Variants in RHAG observed in about 807,000 individuals in gnomAD.
The protein encoded by RHAG is Rh associated glycoprotein, also known as ammonium transporter Rh type A.
In RHAG, 25 loss-of-function variants were observed where a neutral mutation model predicts 42.4. That is an observed-to-expected ratio of 0.59 (90% CI 0.43 to 0.82). RHAG has a LOEUF of 0.82. Ranked by LOEUF, RHAG falls within the 40% of genes least tolerant of loss-of-function variation. The pLI is 0.00. For synonymous variants in RHAG, 182 were observed against 177.7 expected (o/e 1.02, Z -0.19); for missense variants, 483 against 504.6 (o/e 0.96, Z 0.41).
chr6:49,626,554 T>A (rs1374420288), intron 1 of RHAG, among the ~76,000 whole-genome samples: 1 of 152,068 alleles, frequency 6.6e-6, no homozygotes, highest in Admixed American at 6.5e-5. Flanking sequence ...ACAGCTAGAG[T>A]TGAGTGTCTG....
At chr6:49,622,996 T>C (rs917660738) in intron 1 of RHAG, among the ~76,000 whole-genome samples, 11 of 150,540 alleles carry the variant, frequency 7.3e-5, no homozygotes, top group Middle Eastern at 3.4e-3. Context: ...CCACTACGCC[T>C]GGCTAATTTT....
At chr6:49,609,505 A>G (rs1352373610) in intron 7 of RHAG, among the ~76,000 whole-genome samples, 1 of 152,218 alleles carries the variant, frequency 6.6e-6, no homozygotes, top group Admixed American at 6.5e-5. Context: ...TCATTCACAC[A>G]GGCTTTTATC....
chr6:49,619,472 G>T (rs1421778298), intron 1 of RHAG, 110 bp from the exon 2 acceptor site: 4 of 1,009,750 alleles, frequency 4.0e-6, no homozygotes, highest in Non-Finnish European at 6.0e-6. Context: ...AACACACTAG[G>T]AAAAGAGAGC....
At chr6:49,623,977 G>C (rs1762802829) in intron 1 of RHAG, among the ~76,000 whole-genome samples, 1 of 152,006 alleles carries the variant, frequency 6.6e-6, no homozygotes, top group Non-Finnish European at 1.5e-5. Flanking sequence ...CATTTTCCTT[G>C]CTCCCTTCTC....
intron 7 of RHAG, among the ~76,000 whole-genome samples, chr6:49,607,567 T>C (rs1762495647): frequency 6.6e-6 from 1 of 152,204 alleles, no homozygotes; most frequent in Non-Finnish European, 1.5e-5. Context: ...GTTTCTTTTC[T>C]AGGAACAGAG....
At chr6:49,629,839 C>A (rs994623671) in intron 1 of RHAG, among the ~76,000 whole-genome samples, 5 of 143,844 alleles carry the variant, frequency 3.5e-5, no homozygotes, top group Non-Finnish European at 7.6e-5. Flanking sequence ...CCGGCTGCTC[C>A]GAGTGCGGGG....
At chr6:49,635,679 T>C (rs1185822624) in intron 1 of RHAG, among the ~76,000 whole-genome samples, 4 of 152,144 alleles carry the variant, frequency 2.6e-5, no homozygotes, top group African/African-American at 9.7e-5. Context: ...TTTTATATTT[T>C]TCCTATGTCA....
At chr6:49,614,323 G>C (rs1404254118) in intron 5 of RHAG, among the ~76,000 whole-genome samples, 1 of 151,532 alleles carries the variant, frequency 6.6e-6, no homozygotes, top group African/African-American at 2.4e-5. Context: ...CTCCCGAGTA[G>C]CTGGGATGAC....
intron 7 of RHAG, 23 bp from the exon 8 acceptor site, chr6:49,607,243 A>G (rs1471524893): frequency 6.3e-7 from 1 of 1,599,856 alleles, no homozygotes; most frequent in Non-Finnish European, 8.6e-7. Flanking sequence ...ACAAAAAAGA[A>G]TCAGTGTCTT....
chr6:49,622,985 G>A (rs1376656556), intron 1 of RHAG, among the ~76,000 whole-genome samples: 1 of 151,664 alleles, frequency 6.6e-6, no homozygotes, highest in South Asian at 2.1e-4. Context: ...ACAGGCGTCC[G>A]CCACTACGCC....
intron 2 of RHAG, 128 bp from the exon 3 acceptor site, chr6:49,618,346 A>G: frequency 1.1e-6 from 1 of 909,524 alleles, no homozygotes; most frequent in South Asian, 1.4e-5. Flanking sequence ...CCACTTCCTT[A>G]TTCCTCCTCT....
At chr6:49,624,716 G>C (rs780017270) in intron 1 of RHAG, among the ~76,000 whole-genome samples, 1 of 152,202 alleles carries the variant, frequency 6.6e-6, no homozygotes, top group Non-Finnish European at 1.5e-5. Context: ...ATCTGGTACA[G>C]AGTGCATGTG....
At chr6:49,615,903 C>T in intron 3 of RHAG, 132 bp from the exon 4 acceptor site, 2 of 896,354 alleles carry the variant, frequency 2.2e-6, no homozygotes, top group South Asian at 2.8e-5. Flanking sequence ...AAGATTGTGT[C>T]AGAGAAAGGG....
chr6:49,635,718 A>G (rs541501314), intron 1 of RHAG, among the ~76,000 whole-genome samples: 60 of 152,198 alleles, frequency 3.9e-4, no homozygotes, highest in South Asian at 1.0e-3. Flanking sequence ...TTATTTCTAC[A>G]TGGGAATACC....
intron 5 of RHAG, among the ~76,000 whole-genome samples, chr6:49,614,432 C>G (rs1378868589): frequency 6.6e-6 from 1 of 151,816 alleles, no homozygotes; most frequent in African/African-American, 2.4e-5. Flanking sequence ...GAACTCTTGA[C>G]CTCAGGTAAT....
intron 6 of RHAG, 92 bp from the exon 7 acceptor site, chr6:49,611,237 A>T: frequency 1.0e-6 from 1 of 988,792 alleles, no homozygotes; most frequent in Non-Finnish European, 1.6e-6. Flanking sequence ...CTATTCTTCC[A>T]TGGAGAAAAA....
chr6:49,626,924 C>G (rs1309364213), intron 1 of RHAG, among the ~76,000 whole-genome samples: 2 of 152,242 alleles, frequency 1.3e-5, no homozygotes, highest in African/African-American at 4.8e-5. Flanking sequence ...TACATTGACC[C>G]CTTTTAGCCA....
At chr6:49,607,885 GAATAAA>G (rs1454533063) in intron 7 of RHAG, among the ~76,000 whole-genome samples, 1 of 152,106 alleles carries the variant, frequency 6.6e-6, no homozygotes, top group Non-Finnish European at 1.5e-5. Context: ...TGACTCCAAT[GAATAAA>G]ACAATTGGAA....
In RHAG at chr6:49,606,692, G is replaced by A. The variant is rs1055486258; in HGVS notation, c.1212+156C>T. On this transcript the variant is annotated intron_variant, in intron 9 of 9. Transcript: ENST00000371175. ...ATCAAACAATCCTCCAGCCTCAGCCGCCCAACGTGCTGAGATTACATGTGT... is the reference window on the plus strand; with the variant it reads ...ATCAAACAATCCTCCAGCCTCAGCCACCCAACGTGCTGAGATTACATGTGT... The A allele has an allele frequency of 5.1e-5, 34 of 661,626 alleles. No individual in the cohort carries two copies. The East Asian group carries it at 5.7e-4, about 11-fold the overall frequency. The allele number at this position is 661,626 out of a possible 1,614,324, so 41.0% of individuals were successfully genotyped here.
Sources: gnomAD v4.1 joint callset for allele counts (sites outside exome capture counted in the v4.1 genomes callset) on GRCh38, gnomAD v4.1.1 for gene constraint, MANE v1.5 for transcripts, NCBI Gene and HGNC (gene_info 2026-07-23, HGNC 2026-07-21) for gene names.